STIM2: variants seen among roughly 807,000 people sequenced by gnomAD.
STIM2 encodes stromal interaction molecule 2.
In STIM2, 31 loss-of-function variants were observed where a neutral mutation model predicts 85.8. The observed-to-expected ratio is 0.36, with a 90% CI of 0.27 to 0.49. The LOEUF is 0.49. Among genes scored for constraint, STIM2 ranks in the 20% least tolerant of loss-of-function variants. The probability of loss-of-function intolerance (pLI) is 0.98; values close to 1 mark genes in which losing one functional copy is unlikely to be tolerated. For missense variants in STIM2, 841 were observed against 927.6 expected (o/e 0.91, Z 1.21); for synonymous variants, 356 against 331.1 (o/e 1.08, Z -0.82).
chr4:26,903,378 C>T (rs1723997808), intron 1 of STIM2, among the ~76,000 whole-genome samples: 2 of 152,126 alleles, frequency 1.3e-5, no homozygotes, highest in Admixed American at 1.3e-4. Flanking sequence ...ATTTGATTTT[C>T]GTGAAGTCTC....
At chr4:26,992,117 G>A (rs887792) in intron 3 of STIM2, among the ~76,000 whole-genome samples, 148,352 of 152,214 alleles carry the variant, frequency 0.97, 72,333 homozygotes, top group East Asian at 1. Flanking sequence ...ATGAAAAATC[G>A]CTTGTACCCC....
chr4:27,014,138 CTATTT>C (rs1287266442), intron 10 of STIM2, among the ~76,000 whole-genome samples: 2 of 151,754 alleles, frequency 1.3e-5, no homozygotes, highest in African/African-American at 4.8e-5. Context: ...GACAGTTTGT[CTATTT>C]TATTTCACTC....
Position 27,008,445 on chromosome 4 carries a change from G to C in STIM2, c.1167G>C (p.Lys389Asn). The C allele has an allele frequency of 6.3e-7, 1 of 1,585,946 alleles. No homozygotes were observed. Residue 389 changes from lysine to asparagine, a missense_variant, in exon 9 of 12, where the codon AAG becomes AAC. Lys to Asn is a moderately conservative substitution (Grantham distance 94). This residue lies in a region of STIM2 where 408 missense variants were observed against 525.4 expected (regional missense o/e 0.78). Coordinates refer to ENST00000467087, the MANE Select transcript of STIM2 (RefSeq NM_020860.4). ...GTTTCTAGGCAGAAAAAATTAAAAA[G>C]AAGAGAAGCACAGTCTTTGGGACTC...
At chr4:26,875,652 A>T (rs1160631953) in intron 1 of STIM2, among the ~76,000 whole-genome samples, 2 of 152,192 alleles carry the variant, frequency 1.3e-5, no homozygotes, top group African/African-American at 2.4e-5. Context: ...TTCTAGACAA[A>T]TGGGAGCTGT....
intron 1 of STIM2, among the ~76,000 whole-genome samples, chr4:26,875,740 CT>C (rs1722793749): frequency 6.6e-6 from 1 of 152,080 alleles, no homozygotes; most frequent in African/African-American, 2.4e-5. Context: ...TGGGGATGTT[CT>C]TGAAAAATCT....
At chr4:27,016,988 A>T (rs1276119904) in intron 10 of STIM2, among the ~76,000 whole-genome samples, 2 of 152,126 alleles carry the variant, frequency 1.3e-5, no homozygotes, top group African/African-American at 4.8e-5. Flanking sequence ...TAGCATCTGA[A>T]CCATGCAGGA....
chr4:26,969,436 A>G (rs1726848034), intron 3 of STIM2, among the ~76,000 whole-genome samples: 1 of 152,174 alleles, frequency 6.6e-6, no homozygotes, highest in South Asian at 2.1e-4. Context: ...ACCAGTACCA[A>G]ATATTTTATG....
At chr4:27,015,040 A>G (rs1036204637) in intron 10 of STIM2, among the ~76,000 whole-genome samples, 5 of 151,884 alleles carry the variant, frequency 3.3e-5, no homozygotes, top group Admixed American at 3.3e-4. Flanking sequence ...AAATTTTTCC[A>G]TTATTAGACA....
intron 1 of STIM2, among the ~76,000 whole-genome samples, chr4:26,896,178 A>T (rs1723693053): frequency 6.6e-6 from 1 of 152,194 alleles, no homozygotes; most frequent in Admixed American, 6.5e-5. Context: ...TGACTCCACA[A>T]CATGGTAGTT....
chr4:26,935,412 G>A (rs1577448276), intron 2 of STIM2, among the ~76,000 whole-genome samples: 1 of 152,134 alleles, frequency 6.6e-6, no homozygotes, highest in Non-Finnish European at 1.5e-5. Context: ...AATAGAAAAA[G>A]GTTAGGGCCA....
At chr4:27,010,109 T>TA (rs1418559551) in intron 10 of STIM2, among the ~76,000 whole-genome samples, 1 of 152,234 alleles carries the variant, frequency 6.6e-6, no homozygotes, top group Non-Finnish European at 1.5e-5. Flanking sequence ...TTTAAACTTT[T>TA]AAATCAGAAA....
At chr4:26,914,874 CAGGTGTCT>C (rs1323213744) in intron 1 of STIM2, among the ~76,000 whole-genome samples, 3 of 152,148 alleles carry the variant, frequency 2.0e-5, no homozygotes, top group African/African-American at 7.2e-5. Flanking sequence ...TATCATTCCA[CAGGTGTCT>C]GATGATCTCC....
rs1212010982 is a variant in STIM2, at chr4:27,022,670, G to T, written c.1915G>T (p.Asp639Tyr). Residue 639 changes from aspartate (D) to tyrosine (Y), a missense_variant, in exon 12 of 12, where the codon GAT becomes TAT. Physicochemically the swap from Asp to Tyr is radical, Grantham distance 160 (BLOSUM62 -3). Coordinates refer to ENST00000467087, the MANE Select transcript of STIM2 (RefSeq NM_020860.4). ...GTCCCTAGAGGATTCCTCCCGAGGGGATTCGCCTGTAACTGTGGATGTGTC... is the reference window on the plus strand; with the variant it reads ...GTCCCTAGAGGATTCCTCCCGAGGGTATTCGCCTGTAACTGTGGATGTGTC... 18 of 1,614,094 alleles carry T rather than the reference G, an allele frequency of 1.1e-5. No individual in the cohort carries two copies. The highest frequency in any genetic ancestry group is 1.3e-5 in the African/African-American group (1 of 74,934).
At chr4:27,008,650 T>A in intron 9 of STIM2, 114 bp from the exon 10 acceptor site, 1 of 1,183,306 alleles carries the variant, frequency 8.5e-7, no homozygotes, top group Non-Finnish European at 1.2e-6. Flanking sequence ...TAAGAGTGGG[T>A]TATTTCTTCT....
chr4:26,961,312 T>C (rs1475384729), intron 3 of STIM2, among the ~76,000 whole-genome samples: 1 of 152,168 alleles, frequency 6.6e-6, no homozygotes, highest in Non-Finnish European at 1.5e-5. Context: ...TGGCAGTTAG[T>C]ACACCTTGCA....
At chr4:26,885,623 A>G (rs1390648457) in intron 1 of STIM2, among the ~76,000 whole-genome samples, 2 of 151,692 alleles carry the variant, frequency 1.3e-5, no homozygotes, top group African/African-American at 4.8e-5. Flanking sequence ...AATGTGTGAT[A>G]TTTGTGACAT....
chr4:26,869,378 A>G (rs971704969), intron 1 of STIM2, among the ~76,000 whole-genome samples: 9 of 151,896 alleles, frequency 5.9e-5, no homozygotes, highest in Admixed American at 1.3e-4. Context: ...AAAAAGAACT[A>G]TAGAGGGTTA....
chr4:26,877,757 C>G (rs1279365963), intron 1 of STIM2, among the ~76,000 whole-genome samples: 3 of 152,038 alleles, frequency 2.0e-5, no homozygotes, highest in African/African-American at 7.2e-5. Flanking sequence ...GAGTGGTGTT[C>G]CTACTTGCTA....
intron 10 of STIM2, among the ~76,000 whole-genome samples, chr4:27,015,285 C>T (rs570056031): frequency 1.3e-5 from 2 of 152,082 alleles, no homozygotes; most frequent in African/African-American, 2.4e-5. Context: ...CCACTGCTCT[C>T]GCATCTTAAA....
Sources: allele counts gnomAD v4.1 joint callset (sites outside exome capture counted in the v4.1 genomes callset), GRCh38; gene constraint gnomAD v4.1.1; regional missense constraint gnomAD v4.1.1; transcripts MANE v1.5; gene names NCBI Gene and HGNC (gene_info 2026-07-23, HGNC 2026-07-21).